Variants in TBC1D22A observed in about 807,000 individuals in gnomAD.
TBC1D22A encodes the protein TBC1 domain family member 22A.
A neutral mutation model predicts 60.2 loss-of-function variants in TBC1D22A; 38 were observed. The ratio of observed to expected loss-of-function variants is 0.63; its 90% confidence interval spans 0.49 to 0.83. TBC1D22A has a LOEUF of 0.83. Ranked by LOEUF, TBC1D22A falls within the 40% of genes least tolerant of loss-of-function variation. The pLI, the probability that TBC1D22A is intolerant of heterozygous loss-of-function variation, is 0.00. For missense variants in TBC1D22A, 628 were observed against 701.0 expected, an observed-to-expected ratio of 0.90 and a Z score of 1.18; for synonymous variants, 302 against 281.7, an observed-to-expected ratio of 1.07 and a Z score of -0.72.
In TBC1D22A at chr22:47,139,598, G is replaced by T. The variant is rs542409239; in HGVS notation, c.1425+27995G>T. On this transcript the variant is annotated intron_variant, in intron 12 of 12. Coordinates refer to ENST00000337137, the MANE Select transcript of TBC1D22A (RefSeq NM_014346.5). ...TCTCATGAGAGGCTGCTGGAGCGTG[G>T]CCCACTGGGACAGGAGAGGGACCGC... Among the ~76,000 whole-genome samples, 3 of 152,338 alleles carry T rather than the reference G, an allele frequency of 2.0e-5. No homozygotes were observed. In the South Asian group the frequency reaches 6.2e-4, roughly 32 times the overall value.
At chr22:46,784,631 G>T (rs2084081977) in intron 1 of TBC1D22A, among the ~76,000 whole-genome samples, 1 of 152,218 alleles carries the variant, frequency 6.6e-6, no homozygotes, top group South Asian at 2.1e-4. Context: ...AAAGCCTGTG[G>T]CCTGTGATAA....
At chr22:46,891,093 G>T (rs1263819001) in intron 5 of TBC1D22A, among the ~76,000 whole-genome samples, 173 bp from the exon 6 acceptor site, 1 of 145,194 alleles carries the variant, frequency 6.9e-6, no homozygotes, top group Non-Finnish European at 1.5e-5. Context: ...GTGTTCAGCT[G>T]GCTGACCTCC....
At chr22:46,989,842 G>T (rs1461420961) in intron 9 of TBC1D22A, among the ~76,000 whole-genome samples, 2 of 151,262 alleles carry the variant, frequency 1.3e-5, no homozygotes, top group Non-Finnish European at 2.9e-5. Flanking sequence ...TCACTGTGTT[G>T]CCCGGGCTGG....
chr22:46,899,667 A>G (rs1411976901), intron 7 of TBC1D22A, among the ~76,000 whole-genome samples: 2 of 152,192 alleles, frequency 1.3e-5, no homozygotes, highest in Non-Finnish European at 2.9e-5. Context: ...CTCATGGTCC[A>G]AGGTGGCTGG....
At chr22:46,829,841 C>T (rs565968503) in intron 4 of TBC1D22A, among the ~76,000 whole-genome samples, 4 of 151,998 alleles carry the variant, frequency 2.6e-5, no homozygotes, top group Non-Finnish European at 2.9e-5. Context: ...TTCAGTGCCG[C>T]GTGAAACAAT....
intron 8 of TBC1D22A, among the ~76,000 whole-genome samples, chr22:46,918,062 TC>T (rs1199002502): frequency 7.6e-6 from 1 of 131,292 alleles, no homozygotes; most frequent in East Asian, 2.0e-4. Context: ...GAAATGGAGA[TC>T]GTAATGGCAC....
At chr22:46,884,732 G>C (rs1049333331) in intron 5 of TBC1D22A, among the ~76,000 whole-genome samples, 1 of 152,224 alleles carries the variant, frequency 6.6e-6, no homozygotes, top group Non-Finnish European at 1.5e-5. Flanking sequence ...AAATGGGTGG[G>C]CAGGATTGGC....
At chr22:47,153,445 A>G (rs1050595310) in intron 12 of TBC1D22A, among the ~76,000 whole-genome samples, 4 of 152,044 alleles carry the variant, frequency 2.6e-5, no homozygotes, top group Non-Finnish European at 5.9e-5. Flanking sequence ...AAGCAGAGGA[A>G]ACAGCATGGG....
Position 46,900,871 on chromosome 22 carries a change from TG to T in TBC1D22A, c.900+6029del, listed in dbSNP as rs565842088. The stretch of plus-strand genomic sequence containing the variant: ...CTAAACCTTCATGTACTAATCTTAT[TG>T]GGGAAAGCAAACATCCTGTTCTCAC... On this transcript the variant is annotated intron_variant, in intron 7 of 12. Coordinates refer to ENST00000337137, the MANE Select transcript of TBC1D22A (RefSeq NM_014346.5). Among the ~76,000 whole-genome samples, 18 of 152,336 alleles carry T rather than the reference TG, an allele frequency of 1.2e-4. No individual in the cohort carries two copies. The East Asian group carries it at 3.5e-3, about 29-fold the overall frequency.
intron 10 of TBC1D22A, among the ~76,000 whole-genome samples, chr22:47,036,686 T>C (rs1320901911): frequency 6.6e-6 from 1 of 152,206 alleles, no homozygotes; most frequent in Non-Finnish European, 1.5e-5. Flanking sequence ...CTCCTCTCTC[T>C]AAGCCCCTCC....
At chr22:47,081,120 CA>C (rs34794967) in intron 11 of TBC1D22A, among the ~76,000 whole-genome samples, 10,064 of 83,660 alleles carry the variant, frequency 0.12, 290 homozygotes, top group Non-Finnish European at 0.14. Context: ...AACTCCGTCT[CA>C]AAAAAAAAAA....
At chr22:47,078,359 G>A (rs2064313029) in intron 11 of TBC1D22A, among the ~76,000 whole-genome samples, 1 of 152,156 alleles carries the variant, frequency 6.6e-6, no homozygotes, top group Non-Finnish European at 1.5e-5. Context: ...AATAAATGTA[G>A]AAAAAGGGTG....
intron 12 of TBC1D22A, among the ~76,000 whole-genome samples, chr22:47,131,458 A>G (rs2066675460): frequency 6.6e-6 from 1 of 152,230 alleles, no homozygotes; most frequent in African/African-American, 2.4e-5. Context: ...TGTGGGCAGC[A>G]GAAGGAAATA....
intron 8 of TBC1D22A, among the ~76,000 whole-genome samples, chr22:46,929,869 C>T (rs546197509): frequency 5.3e-5 from 8 of 152,242 alleles, no homozygotes; most frequent in South Asian, 2.1e-4. Flanking sequence ...GTCCCCTGGA[C>T]CTGGTGTGCT....
intron 7 of TBC1D22A, among the ~76,000 whole-genome samples, chr22:46,899,100 T>TTG (rs1296748045): frequency 6.6e-6 from 1 of 152,014 alleles, no homozygotes; most frequent in Non-Finnish European, 1.5e-5. Flanking sequence ...GAGCACAGCC[T>TTG]TGTGTGTGTG....
intron 11 of TBC1D22A, among the ~76,000 whole-genome samples, chr22:47,048,471 G>T (rs2063100693): frequency 6.6e-6 from 1 of 152,184 alleles, no homozygotes; most frequent in Non-Finnish European, 1.5e-5. Context: ...CCTGGTTACA[G>T]AGGCCTCCTT....
At chr22:46,967,064 T>C (rs1282889913) in intron 8 of TBC1D22A, among the ~76,000 whole-genome samples, 2 of 152,186 alleles carry the variant, frequency 1.3e-5, no homozygotes, top group Non-Finnish European at 2.9e-5. Context: ...CCTCCCACCG[T>C]ATGCCCGCAC....
chr22:47,147,621 A>G (rs1018933149), intron 12 of TBC1D22A, among the ~76,000 whole-genome samples: 1 of 152,224 alleles, frequency 6.6e-6, no homozygotes, highest in Admixed American at 6.5e-5. Flanking sequence ...GCCTTCTTCC[A>G]TCCATACGTT....
At chr22:46,963,271 C>A (rs1289846050) in intron 8 of TBC1D22A, among the ~76,000 whole-genome samples, 1 of 151,868 alleles carries the variant, frequency 6.6e-6, no homozygotes. Context: ...CCCATGGTGT[C>A]TTGGACATGC....
Sources: gnomAD v4.1 joint callset for allele counts (sites outside exome capture counted in the v4.1 genomes callset) on GRCh38, gnomAD v4.1.1 for gene constraint, MANE v1.5 for transcripts, NCBI Gene and HGNC (gene_info 2026-07-23, HGNC 2026-07-21) for gene names.